The following SBF2 variants were observed in gnomAD, a reference collection of about 807,000 sequenced individuals.
SBF2 encodes SET binding factor 2.
SBF2 carries 112 observed loss-of-function variants against 225.2 expected under a neutral mutation model. That is an observed-to-expected ratio of 0.50 (90% CI 0.43 to 0.58). SBF2 has a LOEUF of 0.58. Among genes scored for constraint, SBF2 ranks in the 20% least tolerant of loss-of-function variants. The probability of loss-of-function intolerance (pLI) is 0.00; values close to 1 mark genes in which losing one functional copy is unlikely to be tolerated. For synonymous variants in SBF2, 763 were observed against 773.3 expected, an observed-to-expected ratio of 0.99 and a Z score of 0.22; for missense variants, 1,996 against 2,206.2, an observed-to-expected ratio of 0.90 and a Z score of 1.91.
At position 9,982,334 on chromosome 11, in the gene SBF2, T is replaced by C. The variant is rs548529894; in HGVS notation, c.1395+7163A>G. ...TTACAAGAGACCCAAATGAAAACCA[T>C]AATGAGGGCAAATGACTAACTGAAA... is the stretch of plus-strand genomic sequence containing the variant. On this transcript the variant is annotated intron_variant, in intron 13 of 39. Coordinates refer to ENST00000256190, the MANE Select transcript of SBF2 (RefSeq NM_030962.4). 4.6e-5 allele frequency among the ~76,000 whole-genome samples: 7 copies of C among 152,288 alleles called. No homozygotes were observed. In the South Asian group the frequency reaches 1.4e-3, roughly 32 times the overall value.
intron 16 of SBF2, among the ~76,000 whole-genome samples, chr11:9,918,295 C>T (rs888434903): frequency 2.6e-5 from 4 of 151,848 alleles, no homozygotes; most frequent in Non-Finnish European, 5.9e-5. Context: ...CTCTGTTTTC[C>T]CCCCCATCCT....
intron 2 of SBF2, among the ~76,000 whole-genome samples, chr11:10,182,806 G>A (rs1439362194): frequency 1.3e-5 from 2 of 150,886 alleles, no homozygotes. Context: ...ACGGAGTCTT[G>A]CTCTGTCGCC....
intron 2 of SBF2, among the ~76,000 whole-genome samples, chr11:10,063,858 C>CAGAGAGAGAG (rs1555006975): frequency 6.6e-5 from 9 of 136,208 alleles, no homozygotes; most frequent in South Asian, 4.8e-4. Flanking sequence ...CACACACACA[C>CAGAGAGAGAG]AGAGAGAGAG....
rs360131 is a variant in SBF2 at position 9,788,885 on chromosome 11, G to A, written c.4932+224C>T. ...CTCCCAAACTGCTGGGATTACAGGC[G>A]TGAGCCACCGCGCCAGGCTGGAAAA... On this transcript the variant is annotated intron_variant, in intron 35 of 39. Coordinates refer to ENST00000256190, the MANE Select transcript of SBF2 (RefSeq NM_030962.4). Among the ~76,000 whole-genome samples the A allele has an allele frequency of 0.71, 107,166 of 151,444 alleles. 38,123 individuals carry two copies. Among genetic ancestry groups the A allele is most frequent in the African/African-American group, 0.76 (31,208 of 41,216 alleles).
intron 17 of SBF2, among the ~76,000 whole-genome samples, chr11:9,866,082 A>G (rs1858197955): frequency 6.6e-6 from 1 of 152,166 alleles, no homozygotes; most frequent in African/African-American, 2.4e-5. Flanking sequence ...TCTCATTGTT[A>G]TCTATACCAA....
At chr11:9,949,966 A>G (rs1204064491) in intron 16 of SBF2, among the ~76,000 whole-genome samples, 1 of 152,174 alleles carries the variant, frequency 6.6e-6, no homozygotes, top group Non-Finnish European at 1.5e-5. Flanking sequence ...CATGTTGCAC[A>G]TGATAAATAT....
At chr11:10,194,087 G>C (rs551032432) in intron 1 of SBF2, 100 bp from the exon 2 acceptor site, 6 of 850,426 alleles carry the variant, frequency 7.1e-6, no homozygotes, top group Non-Finnish European at 9.8e-6. Context: ...TGGTAAATAA[G>C]TTAATAAACT....
rs180826685 is a variant in SBF2, at chr11:9,964,311, G to A, written c.1601-429C>T. 2.0e-4 allele frequency among the ~76,000 whole-genome samples: 31 copies of A among 152,236 alleles called. 1 individual carries two copies. The highest frequency in any genetic ancestry group is 7.0e-4 in the African/African-American group (29 of 41,532). On this transcript the variant is annotated intron_variant, in intron 14 of 39. Transcript: ENST00000256190. ...ACCTTATTTTTTCCCTTATTACAGA[G>A]CATTGAAAGTATTCCATATCATTAT... is the stretch of plus-strand genomic sequence containing the variant.
intron 2 of SBF2, among the ~76,000 whole-genome samples, chr11:10,085,080 C>T (rs1182140208): frequency 6.6e-6 from 1 of 152,032 alleles, no homozygotes; most frequent in African/African-American, 2.4e-5. Flanking sequence ...CAAATTTGTA[C>T]AAAACAAAAC....
chr11:9,797,606 T>A (rs749078829), intron 32 of SBF2, among the ~76,000 whole-genome samples: 1 of 151,992 alleles, frequency 6.6e-6, no homozygotes, highest in Non-Finnish European at 1.5e-5. Flanking sequence ...TTACGTAGAG[T>A]TTTCTCATCA....
At chr11:10,066,315 T>TA (rs1728329731) in intron 2 of SBF2, among the ~76,000 whole-genome samples, 1 of 151,080 alleles carries the variant, frequency 6.6e-6, no homozygotes, top group African/African-American at 2.4e-5. Context: ...GTAAAAATAC[T>TA]AAATATCTAT....
chr11:9,784,179 G>A (rs966548766), intron 38 of SBF2, among the ~76,000 whole-genome samples, 172 bp downstream of exon 38: 6 of 152,178 alleles, frequency 3.9e-5, no homozygotes, highest in African/African-American at 1.4e-4. Context: ...GAAGGCTATT[G>A]CCCTTACTCA....
chr11:9,965,009 C>T (rs1866807895), intron 14 of SBF2, among the ~76,000 whole-genome samples: 1 of 152,004 alleles, frequency 6.6e-6, no homozygotes, highest in Admixed American at 6.6e-5. Flanking sequence ...ATTTCTCATC[C>T]CTCACTCCCT....
At chr11:9,890,480 G>A (rs898496330) in intron 17 of SBF2, among the ~76,000 whole-genome samples, 2 of 152,124 alleles carry the variant, frequency 1.3e-5, no homozygotes, top group African/African-American at 2.4e-5. Flanking sequence ...TCTGAATAAC[G>A]CTCTTATTCT....
At chr11:10,003,658 C>T (rs143419813) in intron 6 of SBF2, among the ~76,000 whole-genome samples, 46 of 152,164 alleles carry the variant, frequency 3.0e-4, no homozygotes, top group East Asian at 1.9e-3. Flanking sequence ...TGAGCCACCG[C>T]GCCTGGCCTG....
chr11:10,132,925 C>T lies in SBF2; in HGVS notation c.141+60977G>A, dbSNP rs1314503200. Among the ~76,000 whole-genome samples the T allele has an allele frequency of 1.3e-5, 2 of 149,080 alleles. 1 individual carries two copies. The highest frequency in any genetic ancestry group is 5.0e-5 in the African/African-American group (2 of 40,382). On this transcript the variant is annotated intron_variant, in intron 2 of 39. Coordinates refer to ENST00000256190, the MANE Select transcript of SBF2 (RefSeq NM_030962.4). ...TACAAAGTTTCCACACACAGGTTCT[C>T]CAAGGCCCCACCAGAGAAGCTAGGT...
At chr11:10,208,931 A>G (rs773242812) in intron 1 of SBF2, among the ~76,000 whole-genome samples, 2 of 152,160 alleles carry the variant, frequency 1.3e-5, no homozygotes, top group Non-Finnish European at 2.9e-5. Context: ...AGACTAGTAC[A>G]TAGCAAGTGC....
intron 2 of SBF2, among the ~76,000 whole-genome samples, chr11:10,105,773 G>A (rs896868930): frequency 2.0e-5 from 3 of 152,150 alleles, no homozygotes; most frequent in Non-Finnish European, 4.4e-5. Context: ...GGAAGCAATA[G>A]TCAAATCCAA....
chr11:9,958,998 C>T (rs552043820), intron 16 of SBF2: 3 of 933,336 alleles, frequency 3.2e-6, no homozygotes, highest in East Asian at 4.8e-5. Flanking sequence ...TGATGGCCTC[C>T]TCAATGTATT....
Sources: gnomAD v4.1 joint callset for allele counts (sites outside exome capture counted in the v4.1 genomes callset) on GRCh38, gnomAD v4.1.1 for gene constraint, MANE v1.5 for transcripts, NCBI Gene and HGNC (gene_info 2026-07-23, HGNC 2026-07-21) for gene names.